Variants in CDYL observed in about 807,000 individuals in gnomAD.
CDYL encodes chromodomain Y like.
In CDYL, 8 loss-of-function variants were observed where a neutral mutation model predicts 47.3. That is an observed-to-expected ratio of 0.17 (90% CI 0.10 to 0.31). The LOEUF is 0.31. Ranked by LOEUF, CDYL falls within the 10% of genes least tolerant of loss-of-function variation. The pLI, the probability that CDYL is intolerant of heterozygous loss-of-function variation, is 1.00. For missense variants in CDYL, 471 were observed against 701.4 expected (o/e 0.67, Z 3.71); for synonymous variants, 266 against 265.0 (o/e 1.00, Z -0.04).
chr6:4,947,653 T>C (rs1236523646), intron 5 of CDYL, among the ~76,000 whole-genome samples: 1 of 150,906 alleles, frequency 6.6e-6, no homozygotes, highest in African/African-American at 2.4e-5. Flanking sequence ...ACCTCTCTCT[T>C]CACCCTCGGT....
At chr6:4,832,983 C>T (rs1760191173) in intron 1 of CDYL, among the ~76,000 whole-genome samples, 1 of 151,720 alleles carries the variant, frequency 6.6e-6, no homozygotes, top group Admixed American at 6.6e-5. Context: ...ATTAGTCTTG[C>T]TAGCAGTCTA....
At chr6:4,792,307 C>T (rs985789903) in intron 1 of CDYL, among the ~76,000 whole-genome samples, 1 of 151,836 alleles carries the variant, frequency 6.6e-6, no homozygotes, top group African/African-American at 2.4e-5. Flanking sequence ...ATCTTTGCTA[C>T]TATATACGTT....
intron 2 of CDYL, among the ~76,000 whole-genome samples, chr6:4,933,810 A>C (rs1222171991): frequency 1.3e-5 from 2 of 152,218 alleles, no homozygotes; most frequent in Non-Finnish European, 2.9e-5. Context: ...CACTGGGATG[A>C]CAGAGGTCAG....
intron 1 of CDYL, among the ~76,000 whole-genome samples, chr6:4,799,128 A>G (rs1367847788): frequency 6.6e-6 from 1 of 152,208 alleles, no homozygotes; most frequent in African/African-American, 2.4e-5. Context: ...ATTAGAATCC[A>G]GTTCAAAATA....
chr6:4,943,600 T>C lies in CDYL; in HGVS notation c.1176T>C (p.Asn392=). ...AGAAGCCCATTATTGTAGCAGTCAA[T>C]GGCCCAGCCATTGGTCTAGGAGCAT... The part of the protein sequence containing the change: ...QFKKPIIVAV[N]GPAIGLGASI... The change falls in exon 5 of 7, where the codon AAT becomes AAC. Residue 392 remains asparagine (N), a synonymous_variant. Transcript: ENST00000397588. The C allele has an allele frequency of 6.2e-7, 1 of 1,613,672 alleles. No homozygotes were observed. The highest frequency in any genetic ancestry group is 8.5e-7 in the Non-Finnish European group (1 of 1,179,690).
chr6:4,778,589 A>C (rs1244218042), intron 1 of CDYL, among the ~76,000 whole-genome samples: 1 of 152,132 alleles, frequency 6.6e-6, no homozygotes, highest in East Asian at 1.9e-4. Flanking sequence ...GCTTTCAAGG[A>C]GTGTCTGTTG....
intron 2 of CDYL, among the ~76,000 whole-genome samples, chr6:4,906,814 G>T (rs914594134): frequency 1.4e-5 from 2 of 146,022 alleles, no homozygotes; most frequent in East Asian, 3.9e-4. Context: ...GGGAGAAGGA[G>T]GTTGCCCTAG....
intron 1 of CDYL, among the ~76,000 whole-genome samples, chr6:4,832,389 C>CG (rs1760172992): frequency 6.6e-6 from 1 of 151,084 alleles, no homozygotes; most frequent in South Asian, 2.1e-4. Flanking sequence ...TATTGATTTG[C>CG]GTATATTGAA....
At chr6:4,721,772 C>A (rs932538506) in intron 2 of CDYL, among the ~76,000 whole-genome samples, 5 of 152,086 alleles carry the variant, frequency 3.3e-5, no homozygotes, top group African/African-American at 1.2e-4. Flanking sequence ...TTCAAACAGA[C>A]ACAAAATGGC....
At chr6:4,843,954 A>G (rs1185002103) in intron 1 of CDYL, among the ~76,000 whole-genome samples, 1 of 152,126 alleles carries the variant, frequency 6.6e-6, no homozygotes, top group Non-Finnish European at 1.5e-5. Flanking sequence ...ATTTGGGTAT[A>G]CTATGTCAGA....
intron 1 of CDYL, among the ~76,000 whole-genome samples, chr6:4,814,548 G>A (rs998249152): frequency 1.1e-4 from 17 of 152,118 alleles, no homozygotes; most frequent in Admixed American, 9.2e-4. Flanking sequence ...TTTGGAGACA[G>A]GGTCTTGTTC....
chr6:4,732,722 GA>G (rs998045311), intron 2 of CDYL, among the ~76,000 whole-genome samples: 20 of 151,810 alleles, frequency 1.3e-4, no homozygotes, highest in Non-Finnish European at 2.2e-4. Context: ...ATTTTGAGGG[GA>G]AAAAAGGTAA....
intron 1 of CDYL, among the ~76,000 whole-genome samples, chr6:4,817,059 A>T (rs147290120): frequency 6.6e-6 from 1 of 152,322 alleles, no homozygotes; most frequent in African/African-American, 2.4e-5. Flanking sequence ...TAGAAATACA[A>T]CTAATAAATA....
At chr6:4,929,086 G>T (rs577088435) in intron 2 of CDYL, among the ~76,000 whole-genome samples, 1 of 152,148 alleles carries the variant, frequency 6.6e-6, no homozygotes, top group East Asian at 1.9e-4. Context: ...TTTTCCTTCT[G>T]CCTGAAGAAC....
At chr6:4,807,408 G>A (rs1372877676) in intron 1 of CDYL, among the ~76,000 whole-genome samples, 1 of 152,070 alleles carries the variant, frequency 6.6e-6, no homozygotes, top group Non-Finnish European at 1.5e-5. Context: ...CTTTGAGACT[G>A]TGAAAATAGG....
At chr6:4,772,976 T>G (rs544558461), upstream of CDYL, 4 of 375,372 alleles carry the variant, frequency 1.1e-5, no homozygotes, top group African/African-American at 2.1e-5. Context: ...AAGGAAGACA[T>G]GCCTGGTTTG....
At chr6:4,733,155 C>G (rs528401523) in intron 2 of CDYL, 1 of 152,416 alleles carries the variant, frequency 6.6e-6, no homozygotes, top group Admixed American at 6.5e-5. Flanking sequence ...CTCTCCTTCC[C>G]CAGGGCCTGA....
chr6:4,883,124 A>G (rs1761808397), intron 1 of CDYL, among the ~76,000 whole-genome samples: 1 of 152,198 alleles, frequency 6.6e-6, no homozygotes, highest in African/African-American at 2.4e-5. Flanking sequence ...GTAGGGTATC[A>G]TTGGTAAACA....
chr6:4,954,126 T>C lies in CDYL; in HGVS notation c.*70T>C. 1 of 1,505,330 alleles carries C rather than the reference T, an allele frequency of 6.6e-7. No individual in the cohort carries two copies. Among genetic ancestry groups the C allele is most frequent in the East Asian group, 2.3e-5 (1 of 43,308 alleles). 93.2% of individuals were successfully genotyped at this position (1,505,330 alleles called of 1,614,324 possible). ...AGAACATCACCGGCTCCAGTTCCCC[T>C]GATCCATTCTCACAGCCTGAAACAA... On this transcript the variant is annotated 3_prime_UTR_variant, in exon 7 of 7. Transcript: ENST00000397588.
Sources: allele counts gnomAD v4.1 joint callset (sites outside exome capture counted in the v4.1 genomes callset), GRCh38; gene constraint gnomAD v4.1.1; transcripts MANE v1.5; gene names NCBI Gene and HGNC (gene_info 2026-07-23, HGNC 2026-07-21).